The following NUFIP1 variants were observed in gnomAD, a reference collection of about 807,000 sequenced individuals.
NUFIP1 encodes FMR1-interacting protein NUFIP1.
A neutral mutation model predicts 56.2 loss-of-function variants in NUFIP1; 38 were observed. That is an observed-to-expected ratio of 0.68 (90% CI 0.52 to 0.89). The LOEUF (loss-of-function observed/expected upper bound fraction) is 0.89, where lower values mean the gene tolerates loss of function less well. Ranked by LOEUF, NUFIP1 falls within the 40% of genes least tolerant of loss-of-function variation. The probability of loss-of-function intolerance (pLI) is 0.00; values close to 1 mark genes in which losing one functional copy is unlikely to be tolerated. For missense variants in NUFIP1, 567 were observed against 605.8 expected (o/e 0.94, Z 0.67); for synonymous variants, 215 against 212.4 (o/e 1.01, Z -0.10).
At chr13:44,953,361 A>G (rs761232198) in intron 7 of NUFIP1, among the ~76,000 whole-genome samples, 20 of 152,104 alleles carry the variant, frequency 1.3e-4, no homozygotes, top group Admixed American at 3.3e-4. Context: ...ACCATTCATC[A>G]GTGGATCTTG....
chr13:44,957,275 G>T (rs552226916), intron 7 of NUFIP1, among the ~76,000 whole-genome samples: 1 of 152,246 alleles, frequency 6.6e-6, no homozygotes, highest in African/African-American at 2.4e-5. Context: ...GCAATGGTGT[G>T]ATCTCAACTC....
At position 44,966,977 on chromosome 13, in the gene NUFIP1, CATAA is replaced by C. The variant is rs202226545; in HGVS notation, c.735-1045_735-1042del. ...GACAGAGCAAGACTCCCCCTCAAAA[CATAA>C]ATAAATAAATAAATAAATAAAATAA... is the stretch of plus-strand genomic sequence containing the variant. On this transcript the variant is annotated intron_variant, in intron 5 of 9. Coordinates refer to ENST00000379161, the MANE Select transcript of NUFIP1 (RefSeq NM_012345.3). Among the ~76,000 whole-genome samples, 8 of 149,944 alleles carry C rather than the reference CATAA, an allele frequency of 5.3e-5. No individual in the cohort carries two copies. The East Asian group carries it at 7.9e-4, about 15-fold the overall frequency.
chr13:44,943,766 T>C, intron 8 of NUFIP1, 92 bp from the exon 9 acceptor site: 2 of 906,118 alleles, frequency 2.2e-6, no homozygotes, highest in Admixed American at 4.9e-5. Flanking sequence ...ATAATAATCC[T>C]CCTAGCCATA....
intron 1 of NUFIP1, among the ~76,000 whole-genome samples, chr13:44,983,124 G>T (rs779345512): frequency 5.9e-5 from 9 of 152,122 alleles, no homozygotes; most frequent in African/African-American, 1.2e-4. Flanking sequence ...AAAGTCCTGG[G>T]ACTGCAAGCG....
chr13:44,943,351 AACACACACAC>A lies in NUFIP1; in HGVS notation c.1371+81_1371+90del, dbSNP rs36045762. On this transcript the variant is annotated intron_variant, in intron 9 of 9. Coordinates refer to ENST00000379161, the MANE Select transcript of NUFIP1 (RefSeq NM_012345.3). ...ATGTGTCTCTGGTAACCTTAAAACA[AACACACACAC>A]ACACACACACACACACCCCAGTGGC... is the stretch of plus-strand genomic sequence containing the variant. 5 of 938,574 alleles carry A rather than the reference AACACACACAC, an allele frequency of 5.3e-6. No homozygotes were observed. In the Admixed American group the frequency reaches 7.3e-5, roughly 14 times the overall value. 58.1% of individuals were successfully genotyped at this position (938,574 alleles called of 1,614,324 possible).
At chr13:44,943,191 A>G (rs2137889436) in intron 9 of NUFIP1, among the ~76,000 whole-genome samples, 1 of 152,276 alleles carries the variant, frequency 6.6e-6, no homozygotes, top group Non-Finnish European at 1.5e-5. Flanking sequence ...ACCTCAGTAG[A>G]TACTTCCTTA....
At chr13:44,960,115 A>G (rs1423437387) in intron 6 of NUFIP1, among the ~76,000 whole-genome samples, 1 of 151,828 alleles carries the variant, frequency 6.6e-6, no homozygotes, top group Non-Finnish European at 1.5e-5. Flanking sequence ...TATTTTTAGT[A>G]GAGTCAAGGT....
chr13:44,989,123 G>A lies in NUFIP1; in HGVS notation c.314C>T (p.Pro105Leu), dbSNP rs1313816555. The change falls in exon 1 of 10, where the codon CCC becomes CTC. Residue 105 changes from proline (P) to leucine (L), a missense_variant. Physicochemically the swap from Pro to Leu is moderately conservative, Grantham distance 98 (BLOSUM62 -3). Transcript: ENST00000379161. The stretch of plus-strand genomic sequence containing the variant: ...ATGGAAATTCCAAGGCTGGCCGCTG[G>A]GTTGAGGCTGAGAATCAAGGGGAGA... ...AQSPLDSQPQ[P>L]SGQPWNFHAS... 2 of 1,614,168 alleles carry A rather than the reference G, an allele frequency of 1.2e-6. No homozygotes were observed. Among genetic ancestry groups the A allele is most frequent in the East Asian group, 4.5e-5 (2 of 44,872 alleles).
At chr13:44,987,075 C>T (rs1872424202) in intron 1 of NUFIP1, among the ~76,000 whole-genome samples, 1 of 152,082 alleles carries the variant, frequency 6.6e-6, no homozygotes, top group African/African-American at 2.4e-5. Flanking sequence ...TTGCCTCTGC[C>T]TCTCAAAGTG....
intron 6 of NUFIP1, among the ~76,000 whole-genome samples, chr13:44,965,115 T>C (rs1284235733): frequency 6.6e-6 from 1 of 152,196 alleles, no homozygotes; most frequent in Non-Finnish European, 1.5e-5. Context: ...TTTCCTGAGC[T>C]GTTCCTGTGA....
chr13:44,965,913 A>T lies in NUFIP1; in HGVS notation c.758T>A (p.Ile253Asn). ...AAGTTTTAACTTCTTCTTCCTTTCA[A>T]TATTGGCCAGAGTTGGATAGTTTCT... is the stretch of plus-strand genomic sequence containing the variant. Reference protein sequence around the residue: ...RRKNYPTLANIERKKKLKLEK... With the variant: ...RRKNYPTLANNERKKKLKLEK... The change falls in exon 6 of 10, where the codon ATT becomes AAT. Residue 253 changes from isoleucine (I) to asparagine (N), a missense_variant. Physicochemically the swap from Ile to Asn is moderately radical, Grantham distance 149 (BLOSUM62 -3). Coordinates refer to ENST00000379161, the MANE Select transcript of NUFIP1 (RefSeq NM_012345.3). The T allele has an allele frequency of 6.3e-7, 1 of 1,597,232 alleles. No homozygotes were observed. The highest frequency in any genetic ancestry group is 8.5e-7 in the Non-Finnish European group (1 of 1,172,422).
In NUFIP1 at chr13:44,965,881, CCTTTT is replaced by C; in HGVS notation, c.785_789del (p.Glu262GlyfsTer42). 1.2e-6 allele frequency: 2 copies of C among 1,602,636 alleles called. No homozygotes were observed. The highest frequency in any genetic ancestry group is 1.8e-4 in the Middle Eastern group (1 of 5,564). On this transcript the variant is annotated frameshift_variant, in exon 6 of 10. Coordinates refer to ENST00000379161, the MANE Select transcript of NUFIP1 (RefSeq NM_012345.3). LOFTEE classifies it high-confidence loss of function. ...GTTGTCAATACTGCTCCTCTCTTCT[CCTTTT>C]CAAGTTTTAACTTCTTCTTCCTTTC...
chr13:44,977,336 T>C (rs1424387748), intron 5 of NUFIP1, among the ~76,000 whole-genome samples: 1 of 152,214 alleles, frequency 6.6e-6, no homozygotes, highest in East Asian at 1.9e-4. Context: ...AATAATGCTT[T>C]AGGGTAGTGT....
At chr13:44,974,793 G>A (rs1261100253) in intron 5 of NUFIP1, among the ~76,000 whole-genome samples, 7 of 152,158 alleles carry the variant, frequency 4.6e-5, no homozygotes, top group Non-Finnish European at 7.3e-5. Flanking sequence ...AAAGTGAAAA[G>A]GTACTGAATG....
chr13:44,947,551 T>C (rs902523568), intron 8 of NUFIP1, among the ~76,000 whole-genome samples: 1 of 152,114 alleles, frequency 6.6e-6, no homozygotes, highest in African/African-American at 2.4e-5. Context: ...GCTTATCCTT[T>C]CTATGCTTAA....
At chr13:44,980,001 T>C (rs781335653) in intron 3 of NUFIP1, 49 bp from the exon 4 acceptor site, 3 of 1,422,404 alleles carry the variant, frequency 2.1e-6, no homozygotes, top group East Asian at 2.3e-5. Flanking sequence ...ATGTTTTCCA[T>C]GTTAAATTTA....
In NUFIP1 at chr13:44,979,210, C is replaced by T. The variant is rs758025594; in HGVS notation, c.714G>A (p.Arg238=). The change falls in exon 5 of 10, where the codon CGG becomes CGA. Residue 238 remains arginine, a synonymous_variant. Coordinates refer to ENST00000379161, the MANE Select transcript of NUFIP1 (RefSeq NM_012345.3). ...IKLDTPEEIA[R]WREERRKNYP... ...CTCACTTCCTTCTTTCTTCCCTCCA[C>T]CGTGCAATTTCCTCTGGAGTGTCTA... is the stretch of plus-strand genomic sequence containing the variant. 11 of 1,613,356 alleles carry T rather than the reference C, an allele frequency of 6.8e-6. No individual in the cohort carries two copies. The highest frequency in any genetic ancestry group is 9.3e-6 in the Non-Finnish European group (11 of 1,179,682).
intron 1 of NUFIP1, among the ~76,000 whole-genome samples, chr13:44,988,291 G>C (rs1872498666): frequency 6.6e-6 from 1 of 152,106 alleles, no homozygotes; most frequent in Non-Finnish European, 1.5e-5. Context: ...GTGGTGGCGT[G>C]GGCCTGTAGT....
chr13:44,975,240 C>T (rs1871930187), intron 5 of NUFIP1, among the ~76,000 whole-genome samples: 1 of 152,024 alleles, frequency 6.6e-6, no homozygotes, highest in African/African-American at 2.4e-5. Context: ...TTCCATATTC[C>T]CAGTTTCATG....
Sources: gnomAD v4.1 joint callset for allele counts (sites outside exome capture counted in the v4.1 genomes callset) on GRCh38, gnomAD v4.1.1 for gene constraint, MANE v1.5 for transcripts, NCBI Gene and HGNC (gene_info 2026-07-23, HGNC 2026-07-21) for gene names.